PPP2R5C: variants seen among roughly 807,000 people sequenced by gnomAD.
PPP2R5C encodes protein phosphatase 2 regulatory subunit B'gamma, also known as serine/threonine-protein phosphatase 2A 56 kDa regulatory subunit gamma isoform.
PPP2R5C carries 7 observed loss-of-function variants against 68.9 expected under a neutral mutation model. The observed-to-expected ratio is 0.10, with a 90% CI of 0.06 to 0.19. The LOEUF (loss-of-function observed/expected upper bound fraction) is 0.19, where lower values mean the gene tolerates loss of function less well. Ranked by LOEUF, PPP2R5C falls within the 10% of genes least tolerant of loss-of-function variation. The pLI, the probability that PPP2R5C is intolerant of heterozygous loss-of-function variation, is 1.00. For missense variants in PPP2R5C, 348 were observed against 641.3 expected (o/e 0.54, Z 4.94); for synonymous variants, 210 against 222.2 (o/e 0.95, Z 0.49).
chr14:101,837,655 G>T (rs768849953), intron 1 of PPP2R5C, among the ~76,000 whole-genome samples: 4 of 152,196 alleles, frequency 2.6e-5, no homozygotes, highest in Non-Finnish European at 5.9e-5. Context: ...CCATGGAGGC[G>T]AGGACTGTGG....
intron 1 of PPP2R5C, chr14:101,819,728 A>G (rs1244117886): frequency 6.6e-6 from 1 of 152,308 alleles, no homozygotes; most frequent in Non-Finnish European, 1.5e-5. Flanking sequence ...CATTCCGCCC[A>G]CCGCAGCATC....
chr14:101,895,465 A>G (rs934744526), intron 8 of PPP2R5C, among the ~76,000 whole-genome samples: 6 of 152,148 alleles, frequency 3.9e-5, no homozygotes, highest in African/African-American at 1.4e-4. Flanking sequence ...CCATTAAACA[A>G]TAACTCTCCG....
intron 2 of PPP2R5C, among the ~76,000 whole-genome samples, chr14:101,774,517 G>C (rs1399618181): frequency 6.6e-6 from 1 of 152,184 alleles, no homozygotes; most frequent in African/African-American, 2.4e-5. Flanking sequence ...GTCTCTGAGT[G>C]CGTGGCCTCG....
chr14:101,766,099 A>C (rs1350055784), intron 2 of PPP2R5C: 1 of 152,264 alleles, frequency 6.6e-6, no homozygotes, highest in Non-Finnish European at 1.5e-5. Context: ...TGGTTGACTT[A>C]ACACACTACT....
chr14:101,910,268 G>A (rs2046307630), intron 11 of PPP2R5C, among the ~76,000 whole-genome samples: 1 of 152,180 alleles, frequency 6.6e-6, no homozygotes, highest in Admixed American at 6.5e-5. Flanking sequence ...ATAGTTGTTG[G>A]AGGTCACTTC....
chr14:101,890,477 G>A lies in PPP2R5C; in HGVS notation c.689+181G>A, dbSNP rs2140952361. On this transcript the variant is annotated intron_variant, in intron 6 of 13. Transcript: ENST00000334743. ...GCTCTTAGATTAGAGCACGCCAAAT[G>A]ACAAATCTCTCCCATTTTTATGGTT... Among the ~76,000 whole-genome samples the A allele has an allele frequency of 1.3e-5, 2 of 152,296 alleles. 1 individual carries two copies. Among genetic ancestry groups the A allele is most frequent in the South Asian group, 4.1e-4 (2 of 4,832 alleles).
chr14:101,896,845 T>C (rs969217848), intron 8 of PPP2R5C, among the ~76,000 whole-genome samples: 24 of 152,192 alleles, frequency 1.6e-4, no homozygotes, highest in Non-Finnish European at 2.5e-4. Context: ...CTTTCTCTCT[T>C]TCACAGTTCT....
At chr14:101,885,806 G>A (rs2044468546) in intron 5 of PPP2R5C, among the ~76,000 whole-genome samples, 1 of 152,130 alleles carries the variant, frequency 6.6e-6, no homozygotes, top group Admixed American at 6.5e-5. Context: ...ATCATTACTT[G>A]CCTGGTATAC....
At chr14:101,808,651 A>G (rs1217176877), upstream of PPP2R5C, among the ~76,000 whole-genome samples, 1 of 152,160 alleles carries the variant, frequency 6.6e-6, no homozygotes, top group Non-Finnish European at 1.5e-5. Flanking sequence ...TTCTTACTCT[A>G]CTGTGAATTA....
At chr14:101,887,224 C>T (rs184234686) in intron 5 of PPP2R5C, among the ~76,000 whole-genome samples, 11 of 152,328 alleles carry the variant, frequency 7.2e-5, no homozygotes, top group African/African-American at 2.4e-4. Flanking sequence ...TGGCACACAG[C>T]GGGACCTGGA....
upstream of PPP2R5C, chr14:101,761,803 C>CGCGGGGGCGCGACGGCCGGG (rs1333776227): frequency 2.2e-6 from 2 of 897,288 alleles, no homozygotes; most frequent in Non-Finnish European, 2.5e-6. Context: ...CGGCGGCGGC[C>CGCGGGGGCGCGACGGCCGGG]GCGGGGGCGC....
intron 2 of PPP2R5C, among the ~76,000 whole-genome samples, chr14:101,782,109 TC>T (rs1179817163): frequency 2.7e-5 from 1 of 37,520 alleles, no homozygotes; most frequent in Non-Finnish European, 4.9e-5. Context: ...CCCTCCCCCC[TC>T]CCCCTCCCCC....
chr14:101,807,730 A>G (rs2039131532), upstream of PPP2R5C, among the ~76,000 whole-genome samples: 1 of 152,024 alleles, frequency 6.6e-6, no homozygotes, highest in African/African-American at 2.4e-5. Context: ...AACTACTTAC[A>G]TGCATAGGGT....
At chr14:101,809,805 C>G (rs998969810), upstream of PPP2R5C, 6 of 1,358,198 alleles carry the variant, frequency 4.4e-6, no homozygotes. Flanking sequence ...AATCAGCGAG[C>G]TTCATGCCTG....
intron 1 of PPP2R5C, among the ~76,000 whole-genome samples, chr14:101,854,484 C>G (rs2042308388): frequency 6.6e-6 from 1 of 152,180 alleles, no homozygotes; most frequent in Non-Finnish European, 1.5e-5. Context: ...TGCCAGATGA[C>G]TTGCTCAGAG....
chr14:101,772,439 A>G (rs1404079678), intron 2 of PPP2R5C, among the ~76,000 whole-genome samples: 2 of 152,010 alleles, frequency 1.3e-5, no homozygotes, highest in Non-Finnish European at 2.9e-5. Flanking sequence ...CTTTATAGAC[A>G]TTTTCTCTTA....
Position 101,906,572 on chromosome 14 carries a change from T to C in PPP2R5C, c.1151+43T>C, listed in dbSNP as rs1345194941. The C allele has an allele frequency of 3.1e-5, 49 of 1,561,464 alleles. No homozygotes were observed. The highest frequency in any genetic ancestry group is 4.2e-5 in the Non-Finnish European group (49 of 1,154,150). On this transcript the variant is annotated intron_variant, in intron 10 of 13. Coordinates refer to ENST00000334743, the Ensembl canonical transcript of PPP2R5C. This position sits in a 1 kb window ranked among gnomAD's most constrained non-coding sequence, Gnocchi z 4.0. ...GCCATCTTTTTCAGTCATTTTAAAA[T>C]ATGGCACGTTTTACTGCTACTTCAG... is the stretch of plus-strand genomic sequence containing the variant.
At chr14:101,862,648 C>T (rs1056633779) in intron 2 of PPP2R5C, among the ~76,000 whole-genome samples, 15 of 152,166 alleles carry the variant, frequency 9.9e-5, no homozygotes, top group Non-Finnish European at 7.4e-5. Flanking sequence ...ATATTTCAAC[C>T]TAAACATTCT....
At chr14:101,834,121 G>A (rs762283918) in intron 1 of PPP2R5C, among the ~76,000 whole-genome samples, 4 of 152,184 alleles carry the variant, frequency 2.6e-5, no homozygotes, top group Admixed American at 6.5e-5. Flanking sequence ...AATCAGTTTT[G>A]ACATTGTCTC....
Sources: gnomAD v4.1 joint callset for allele counts (sites outside exome capture counted in the v4.1 genomes callset) on GRCh38, gnomAD v4.1.1 for gene constraint, Gnocchi (gnomAD v3.1) non-coding constraint, MANE v1.5 for transcripts, NCBI Gene and HGNC (gene_info 2026-07-23, HGNC 2026-07-21) for gene names.